ZNF419: variants seen among roughly 807,000 people sequenced by gnomAD.
The protein encoded by ZNF419 is zinc finger protein 419A.
A neutral mutation model predicts 14.9 loss-of-function variants in ZNF419; 8 were observed. The observed-to-expected ratio is 0.54, with a 90% CI of 0.32 to 0.97. The LOEUF (loss-of-function observed/expected upper bound fraction) is 0.97, where lower values mean the gene tolerates loss of function less well. Ranked by LOEUF, ZNF419 falls within the 50% of genes least tolerant of loss-of-function variation. ZNF419 has a pLI of 0.04. For missense variants in ZNF419, 595 were observed against 607.2 expected (o/e 0.98, Z 0.21); for synonymous variants, 211 against 205.3 (o/e 1.03, Z -0.24).
At position 57,492,966 on chromosome 19, in the gene ZNF419, T is replaced by G; in HGVS notation, c.409T>G (p.Leu137Val). The change falls in exon 5 of 5, where the codon TTA (leucine) becomes GTA (valine). Residue 137 changes from leucine (L) to valine (V), a missense_variant. Coordinates refer to ENST00000221735, the MANE Select transcript of ZNF419 (RefSeq NM_024691.4). Reference sequence around the variant, plus strand: ...GAAGCAGCACTGTGGAGAGAAACCCTTAAAAAGACAAGAGGGCAGGGTCCC... The same window carrying G: ...GAAGCAGCACTGTGGAGAGAAACCCGTAAAAAGACAAGAGGGCAGGGTCCC... ...HQKQHCGEKP[L>V]KRQEGRVPVL... The G allele has an allele frequency of 6.2e-7, 1 of 1,614,136 alleles. No homozygotes were observed. Among genetic ancestry groups the G allele is most frequent in the South Asian group, 1.1e-5 (1 of 91,070 alleles).
Position 57,494,038 on chromosome 19 carries a change from A to G in ZNF419, c.1481A>G (p.His494Arg). The G allele has an allele frequency of 6.2e-7, 1 of 1,613,074 alleles. No individual in the cohort carries two copies. The highest frequency in any genetic ancestry group is 1.3e-5 in the African/African-American group (1 of 74,984). ...ECRECGKFFR[H>R]NSSLFKHRRI... ...AGGGAATGTGGGAAGTTTTTTCGCC[A>G]CAACTCCAGTCTTTTTAAACATCGA... The change falls in exon 5 of 5, where the codon CAC (histidine) becomes CGC (arginine). Residue 494 changes from histidine (H) to arginine (R), a missense_variant. His to Arg is a conservative substitution (Grantham distance 29). Coordinates refer to ENST00000221735, the MANE Select transcript of ZNF419 (RefSeq NM_024691.4).
At position 57,492,935 on chromosome 19, in the gene ZNF419, A is replaced by G; in HGVS notation, c.378A>G (p.Gln126=). 1.9e-6 allele frequency: 3 copies of G among 1,614,196 alleles called. No individual in the cohort carries two copies. The highest frequency in any genetic ancestry group is 2.2e-5 in the South Asian group (2 of 91,074). Residue 126 remains glutamine, a synonymous_variant, in exon 5 of 5, where the codon CAA becomes CAG. Coordinates refer to ENST00000221735, the MANE Select transcript of ZNF419 (RefSeq NM_024691.4). ...GACTGCTCAGTTCAAACATTCAGCA[A>G]CACCAGAAGCAGCACTGTGGAGAGA... ...SVGLLSSNIQ[Q]HQKQHCGEKP...
rs1168733554 is a variant in ZNF419, at chr19:57,492,208, A to G, written c.295A>G (p.Arg99Gly). 2 of 1,613,888 alleles carry G rather than the reference A, an allele frequency of 1.2e-6. No homozygotes were observed. The highest frequency in any genetic ancestry group is 2.7e-5 in the African/African-American group (2 of 74,854). ...AWEVVTSAIP[R>G]GCWHGAEAEE... ...GGAAGTTGTGACTTCAGCCATACCG[A>G]GAGGTAGTTGGTGGGTGGAGCTCAG... Residue 99 changes from arginine (R) to glycine (G), a missense_variant, in exon 4 of 5, where the codon AGA becomes GGA. Arg to Gly is a moderately radical substitution (Grantham distance 125, BLOSUM62 -2). Coordinates refer to ENST00000221735, the MANE Select transcript of ZNF419 (RefSeq NM_024691.4).
intron 1 of ZNF419, chr19:57,488,806 G>A (rs1257708630): frequency 6.6e-6 from 1 of 152,202 alleles, no homozygotes; most frequent in African/African-American, 2.4e-5. Context: ...ATTTAGGAGG[G>A]AGAATCTTAA....
rs1341701650 is a variant in ZNF419 at position 57,494,039 on chromosome 19, C to G, written c.1482C>G (p.His494Gln). The G allele has an allele frequency of 6.2e-7, 1 of 1,612,220 alleles. No individual in the cohort carries two copies. The highest frequency in any genetic ancestry group is 1.7e-5 in the Admixed American group (1 of 59,562). ...GGGAATGTGGGAAGTTTTTTCGCCA[C>G]AACTCCAGTCTTTTTAAACATCGAA... ...ECRECGKFFR[H>Q]NSSLFKHRRI... Residue 494 changes from histidine (H) to glutamine (Q), a missense_variant, in exon 5 of 5, where the codon CAC (histidine) becomes CAG (glutamine). Transcript: ENST00000221735.
At position 57,493,283 on chromosome 19, in the gene ZNF419, T is replaced by A. The variant is rs1436312371; in HGVS notation, c.726T>A (p.Asp242Glu). The change falls in exon 5 of 5, where the codon GAT becomes GAA. Residue 242 changes from aspartate (D) to glutamate (E), a missense_variant. By Grantham distance (45) the Asp-to-Glu change is conservative (BLOSUM62 2). Transcript: ENST00000221735. ...GTGAATGTGGGAAGTTATTTAGAGA[T>A]ATGTCCAACCTTTTTATACACCAAA... ...ECSECGKLFR[D>E]MSNLFIHQIV... 1.2e-6 allele frequency: 2 copies of A among 1,614,182 alleles called. No individual in the cohort carries two copies. Among genetic ancestry groups the A allele is most frequent in the Admixed American group, 3.3e-5 (2 of 60,024 alleles).
At position 57,493,876 on chromosome 19, in the gene ZNF419, C is replaced by T; in HGVS notation, c.1319C>T (p.Ser440Leu). 6.2e-7 allele frequency: 1 copy of T among 1,613,958 alleles called. No homozygotes were observed. Among genetic ancestry groups the T allele is most frequent in the Non-Finnish European group, 8.5e-7 (1 of 1,179,942 alleles). Residue 440 changes from serine to leucine, a missense_variant, in exon 5 of 5, where the codon TCA (serine) becomes TTA (leucine). Ser to Leu is a moderately radical substitution (Grantham distance 145, BLOSUM62 -2). Transcript: ENST00000221735. ...RECGKFFSQS[S>L]TLMQHRKVHI... ...TGTGGGAAATTTTTTAGCCAAAGCT[C>T]AACCCTCATGCAACATCGAAAAGTT...
intron 4 of ZNF419, 60 bp from the exon 5 acceptor site, chr19:57,492,796 G>A: frequency 1.2e-6 from 2 of 1,607,418 alleles, no homozygotes; most frequent in Non-Finnish European, 1.7e-6. Context: ...ACATCTGTGA[G>A]AGTGCTGCCT....
rs531613745 is a variant in ZNF419, at chr19:57,495,650, C to T, written c.*1560C>T. 3.1e-4 allele frequency: 41 copies of T among 133,386 alleles called. No individual in the cohort carries two copies. The highest frequency in any genetic ancestry group is 1.1e-3 in the African/African-American group (38 of 35,404). The allele number at this position is 133,386 out of a possible 1,614,324, so 8.3% of individuals were successfully genotyped here. A position where few individuals can be genotyped will look rare whatever the true frequency, so the allele number is the denominator to read the frequency against. ...CTGAGGCAGGAGAATGGTGTGAGCC[C>T]GGGAGGCGGAGCTTGCAGTGAGCCG... On this transcript the variant is annotated 3_prime_UTR_variant, in exon 5 of 5. Transcript: ENST00000221735.
At chr19:57,489,116 A>C (rs1387692872) in intron 1 of ZNF419, 1 of 152,318 alleles carries the variant, frequency 6.6e-6, no homozygotes, top group East Asian at 1.9e-4. Context: ...CCGTCAGCAC[A>C]GGAGGGATGA....
rs201068861 is a variant in ZNF419, at chr19:57,490,168, C to G, written c.55C>G (p.Leu19Val). ...PAQVPVAADL[L>V]TDHEEGYVTF... is the part of the protein sequence containing the mutation. Reference sequence around the variant, plus strand: ...ATAGGTTCCTGTGGCTGCAGACTTGCTTACAGACCATGAGGAGGTAAGTGG... The same window carrying G: ...ATAGGTTCCTGTGGCTGCAGACTTGGTTACAGACCATGAGGAGGTAAGTGG... Residue 19 changes from leucine (L) to valine (V), a missense_variant, in exon 2 of 5, where the codon CTT becomes GTT. Leu to Val is a conservative substitution (Grantham distance 32). Transcript: ENST00000221735. The G allele has an allele frequency of 1.2e-6, 2 of 1,613,494 alleles. No individual in the cohort carries two copies. The highest frequency in any genetic ancestry group is 2.2e-5 in the South Asian group (2 of 90,880).
At chr19:57,489,923 T>A in intron 1 of ZNF419, 1 of 557,250 alleles carries the variant, frequency 1.8e-6, no homozygotes, top group East Asian at 3.0e-5. Flanking sequence ...ACAATCGTCC[T>A]ATTGAGTAAA....
At chr19:57,492,805 C>A (rs763683611) in intron 4 of ZNF419, 51 bp from the exon 5 acceptor site, 1 of 1,610,130 alleles carries the variant, frequency 6.2e-7, no homozygotes, top group Non-Finnish European at 8.5e-7. Flanking sequence ...AGAGTGCTGC[C>A]TCCTCACACC....
chr19:57,491,459 C>G lies in ZNF419; in HGVS notation c.73-12C>G. On this transcript the variant is annotated splice_polypyrimidine_tract_variant and intron_variant, in intron 2 of 4. Coordinates refer to ENST00000221735, the MANE Select transcript of ZNF419 (RefSeq NM_024691.4). ...AGGCTGCAGATAAACTCTACTCTGT[C>G]CATCTTAGCAGGGCTATGTGACCTT... 6.2e-7 allele frequency: 1 copy of G among 1,613,384 alleles called. No individual in the cohort carries two copies. The highest frequency in any genetic ancestry group is 8.5e-7 in the Non-Finnish European group (1 of 1,179,508).
chr19:57,493,964 C>G lies in ZNF419; in HGVS notation c.1407C>G (p.Ser469Arg), dbSNP rs1228827793. 1.9e-6 allele frequency: 3 copies of G among 1,613,998 alleles called. No individual in the cohort carries two copies. Among genetic ancestry groups the G allele is most frequent in the Non-Finnish European group, 2.5e-6 (3 of 1,180,020 alleles). The change falls in exon 5 of 5, where the codon AGC becomes AGG. Residue 469 changes from serine (S) to arginine (R), a missense_variant. Ser to Arg is a moderately radical substitution (Grantham distance 110). Coordinates refer to ENST00000221735, the MANE Select transcript of ZNF419 (RefSeq NM_024691.4). ...GGAGATTGTTTAGAGAGAATTCCAG[C>G]CTTGTTAAACATCAGAGGGTTCACA... ...ECGRLFRENS[S>R]LVKHQRVHTG...
Position 57,492,962 on chromosome 19 carries a change from A to G in ZNF419, c.405A>G (p.Lys135=). ...ACCAGAAGCAGCACTGTGGAGAGAA[A>G]CCCTTAAAAAGACAAGAGGGCAGGG... ...QQHQKQHCGE[K]PLKRQEGRVP... The change falls in exon 5 of 5, where the codon AAA becomes AAG. Residue 135 remains lysine, a synonymous_variant. Transcript: ENST00000221735. The G allele has an allele frequency of 1.2e-6, 2 of 1,614,162 alleles. No individual in the cohort carries two copies. The highest frequency in any genetic ancestry group is 1.7e-6 in the Non-Finnish European group (2 of 1,180,032).
In ZNF419 at chr19:57,494,336, T is replaced by A; in HGVS notation, c.*246T>A. ...CCTTAGGGTGACAGGTTATGTACTG[T>A]CTCTGAATCAATATGACCTCACTTA... On this transcript the variant is annotated 3_prime_UTR_variant, in exon 5 of 5. Coordinates refer to ENST00000221735, the MANE Select transcript of ZNF419 (RefSeq NM_024691.4). The A allele has an allele frequency of 2.0e-6, 1 of 489,870 alleles. No individual in the cohort carries two copies. Among genetic ancestry groups the A allele is most frequent in the Non-Finnish European group, 3.4e-6 (1 of 295,202 alleles). The allele number at this position is 489,870 out of a possible 1,614,324, so 30.3% of individuals were successfully genotyped here.
Position 57,491,590 on chromosome 19 carries a change from C to A in ZNF419, c.192C>A (p.Ala64=), listed in dbSNP as rs200574247. 2 of 1,614,094 alleles carry A rather than the reference C, an allele frequency of 1.2e-6. No individual in the cohort carries two copies. The highest frequency in any genetic ancestry group is 1.7e-6 in the Non-Finnish European group (2 of 1,179,996). The change falls in exon 3 of 5, where the codon GCC becomes GCA. Residue 64 remains alanine (A), a synonymous_variant. Transcript: ENST00000221735. ...TGCTGGAGAACTTTACACTTCTGGCCTCTCTGGGTAAGGTTCTCACACCCC... is the reference window on the plus strand; with the variant it reads ...TGCTGGAGAACTTTACACTTCTGGCATCTCTGGGTAAGGTTCTCACACCCC... The part of the protein sequence containing the change: ...NVMLENFTLL[A]SLGLASSKTH...
chr19:57,488,071 C>T lies in ZNF419; in HGVS notation c.33+88C>T, dbSNP rs185296279. 5.1e-4 allele frequency: 805 copies of T among 1,565,800 alleles called. 3 individuals are homozygous for T. In the African/African-American group the frequency reaches 8.3e-3, roughly 16 times the overall value. ...GGTCCCCGGGTGCAGAACTGTGGGG[C>T]GTTCGTGCGCGGCGTCCCGTTTCTG... On this transcript the variant is annotated intron_variant, in intron 1 of 4. Coordinates refer to ENST00000221735, the MANE Select transcript of ZNF419 (RefSeq NM_024691.4).
Sources: allele counts gnomAD v4.1 joint callset, GRCh38; gene constraint gnomAD v4.1.1; transcripts MANE v1.5; gene names NCBI Gene and HGNC (gene_info 2026-07-23, HGNC 2026-07-21).